RRN3: variants seen among roughly 807,000 people sequenced by gnomAD.
RRN3 encodes the protein RNA polymerase I transcription factor RRN3, also known as RNA polymerase I-specific transcription initiation factor RRN3.
In RRN3, 38 loss-of-function variants were observed where a neutral mutation model predicts 82.3. The observed-to-expected ratio is 0.46, with a 90% CI of 0.36 to 0.61. The LOEUF (loss-of-function observed/expected upper bound fraction) is 0.61, where lower values mean the gene tolerates loss of function less well. Ranked by LOEUF, RRN3 falls within the 20% of genes least tolerant of loss-of-function variation. The pLI is 0.00. For missense variants in RRN3, 726 were observed against 793.1 expected (o/e 0.92, Z 1.02); for synonymous variants, 284 against 284.3 (o/e 1.00, Z 0.01).
chr16:15,087,645 G>A (rs1181100791), intron 3 of RRN3, among the ~76,000 whole-genome samples: 1 of 152,062 alleles, frequency 6.6e-6, no homozygotes, highest in African/African-American at 2.4e-5. Flanking sequence ...TTTGTACTAT[G>A]GTAATTTCAT....
chr16:15,093,098 G>C (rs1466932184), intron 1 of RRN3, among the ~76,000 whole-genome samples: 2 of 151,924 alleles, frequency 1.3e-5, no homozygotes, highest in African/African-American at 4.8e-5. Flanking sequence ...TCCATCTCCC[G>C]GGTTCAAGCA....
At chr16:15,083,864 G>A (rs2045804531) in intron 7 of RRN3, 1 of 314,132 alleles carries the variant, frequency 3.2e-6, no homozygotes. Flanking sequence ...TTACAGGCAT[G>A]CGCCACCATG....
chr16:15,093,907 G>C, intron 1 of RRN3: 1 of 536,802 alleles, frequency 1.9e-6, no homozygotes, highest in Non-Finnish European at 3.2e-6. Context: ...ATCACGAAGA[G>C]ACACAGTCGG....
At chr16:15,071,941 C>G (rs1300092343) in intron 12 of RRN3, among the ~76,000 whole-genome samples, 1 of 152,160 alleles carries the variant, frequency 6.6e-6, no homozygotes, top group African/African-American at 2.4e-5. Context: ...CACATGGGCA[C>G]TCCTGTGAGT....
intron 6 of RRN3, 76 bp from the exon 7 acceptor site, chr16:15,084,781 G>A: frequency 1.9e-6 from 2 of 1,041,336 alleles, no homozygotes; most frequent in East Asian, 2.5e-5. Flanking sequence ...AAAAATAAAT[G>A]CTGGCTGGGC....
chr16:15,093,678 G>A (rs2046232472), intron 1 of RRN3, among the ~76,000 whole-genome samples: 1 of 152,164 alleles, frequency 6.6e-6, no homozygotes, highest in South Asian at 2.1e-4. Flanking sequence ...GAGTGCTACG[G>A]GGGTTAGGGA....
Position 15,071,147 on chromosome 16 carries a change from C to T in RRN3, c.1233G>A (p.Leu411=), listed in dbSNP as rs1166887924. ...TAAGAGGAATAAATTTAGCTCTTGCCAAAAAGCTTCCAATATAATTTCCAG... is the reference window on the plus strand; with the variant it reads ...TAAGAGGAATAAATTTAGCTCTTGCTAAAAAGCTTCCAATATAATTTCCAG... ...QAAGNYIGSF[L]ARAKFIPLIT... The change falls in exon 13 of 18, where the codon TTG becomes TTA. Residue 411 remains leucine (L), a synonymous_variant. Transcript: ENST00000198767. 4 of 1,608,946 alleles carry T rather than the reference C, an allele frequency of 2.5e-6. No homozygotes were observed. In the African/African-American group the frequency reaches 5.4e-5, roughly 22 times the overall value.
rs202243863 is a variant in RRN3 at position 15,083,560 on chromosome 16, T to C, written c.619A>G (p.Ile207Val). The change falls in exon 8 of 18, where the codon ATA (isoleucine) becomes GTA (valine). Residue 207 changes from isoleucine (I) to valine (V), a missense_variant. Coordinates refer to ENST00000198767, the MANE Select transcript of RRN3 (RefSeq NM_018427.5). ...ACAAATGGAAATTTTTCCACCAGTA[T>C]TGGCATGAGAAACCACGGTGTCCTA... ...VPSTPWFLMP[I>V]LVEKFPFVRK... The C allele has an allele frequency of 3.0e-5, 48 of 1,609,340 alleles. No homozygotes were observed. Among genetic ancestry groups the C allele is most frequent in the Admixed American group, 1.5e-4 (9 of 59,390 alleles).
rs765705321 is a variant in RRN3, at chr16:15,061,806, G to A, written c.1894C>T (p.Arg632Ter). The A allele has an allele frequency of 5.6e-6, 9 of 1,614,050 alleles. No homozygotes were observed. Among genetic ancestry groups the A allele is most frequent in the Admixed American group, 3.3e-5 (2 of 60,006 alleles). Residue 632 changes from arginine (R) to a stop codon, truncating the protein, a stop_gained, in exon 18 of 18, where the codon CGA becomes TGA. Coordinates refer to ENST00000198767, the MANE Select transcript of RRN3 (RefSeq NM_018427.5). LOFTEE classifies it high-confidence loss of function. ...GAGCCCACACTACTTGAAGGACTTCGGAAATGCGTGTCAAAGGAGCTTGGT... is the reference window on the plus strand; with the variant it reads ...GAGCCCACACTACTTGAAGGACTTCAGAAATGCGTGTCAAAGGAGCTTGGT... ...ITPSSFDTHF[R>*]SPSSSVGSPP...
At position 15,086,146 on chromosome 16, in the gene RRN3, G is replaced by A. The variant is rs1441384664; in HGVS notation, c.455C>T (p.Ala152Val). ...TGACTTACGAGGCACAAAATGGGAA[G>A]CAATCATGCTGAGACACGGTCTGAG... ...VFLRPCLSMIASHFVPPRVII... is the reference protein window; with the variant it reads ...VFLRPCLSMIVSHFVPPRVII... Residue 152 changes from alanine (A) to valine (V), a missense_variant, in exon 5 of 18, where the codon GCT becomes GTT. Around this residue, in one of 4 missense-constraint regions of RRN3, gnomAD observed 344 missense variants for 394.5 expected, o/e 0.87. Transcript: ENST00000198767. 4 of 1,600,288 alleles carry A rather than the reference G, an allele frequency of 2.5e-6. No individual in the cohort carries two copies. Among genetic ancestry groups the A allele is most frequent in the Admixed American group, 3.6e-5 (2 of 56,062 alleles).
At chr16:15,066,929 G>A (rs1000569367) in intron 15 of RRN3, among the ~76,000 whole-genome samples, 4 of 151,796 alleles carry the variant, frequency 2.6e-5, no homozygotes, top group Non-Finnish European at 4.4e-5. Context: ...GAGAGCCCCT[G>A]GACCAGATGG....
At chr16:15,064,769 T>C (rs542164547) in intron 16 of RRN3, among the ~76,000 whole-genome samples, 42 of 152,328 alleles carry the variant, frequency 2.8e-4, no homozygotes, top group African/African-American at 1.0e-3. Flanking sequence ...TGGTGAAATA[T>C]ACGCAGGGAG....
intron 3 of RRN3, among the ~76,000 whole-genome samples, chr16:15,087,778 T>C (rs1045518704): frequency 2.0e-5 from 3 of 152,170 alleles, no homozygotes; most frequent in Admixed American, 2.0e-4. Context: ...CTAAAAAGAC[T>C]GCAACAAAAC....
intron 16 of RRN3, among the ~76,000 whole-genome samples, chr16:15,063,517 G>C (rs540993642): frequency 6.6e-6 from 1 of 152,038 alleles, no homozygotes; most frequent in African/African-American, 2.4e-5. Flanking sequence ...GACCATCCTG[G>C]CTAACACGGT....
chr16:15,086,096 A>G lies in RRN3; in HGVS notation c.472+33T>C, dbSNP rs776003239. The G allele has an allele frequency of 9.4e-6, 15 of 1,590,580 alleles. No individual in the cohort carries two copies. In the Admixed American group the frequency reaches 1.7e-4, roughly 18 times the overall value. ...GGTAGTATTTTAATAAAGAAGTATT[A>G]AAAAGAAAATAAAATTCCAAGCAAT... On this transcript the variant is annotated intron_variant, in intron 5 of 17. Transcript: ENST00000198767.
At chr16:15,072,458 A>G (rs1567197512) in intron 12 of RRN3, among the ~76,000 whole-genome samples, 1 of 152,090 alleles carries the variant, frequency 6.6e-6, no homozygotes, top group Admixed American at 6.6e-5. Context: ...TTTTCGGAGC[A>G]CCTAGCTGGG....
chr16:15,066,061 T>C (rs911783422), intron 15 of RRN3, among the ~76,000 whole-genome samples: 5 of 152,242 alleles, frequency 3.3e-5, no homozygotes, highest in African/African-American at 1.2e-4. Context: ...AGATGAGGAC[T>C]CAGATCTCAC....
At chr16:15,070,295 A>G (rs2045167666) in intron 13 of RRN3, 41 bp from the exon 14 acceptor site, 5 of 1,606,308 alleles carry the variant, frequency 3.1e-6, no homozygotes, top group Non-Finnish European at 4.2e-6. Context: ...ACACATCATA[A>G]AAAAACCAGA....
intron 15 of RRN3, among the ~76,000 whole-genome samples, chr16:15,065,825 TGA>T: frequency 6.6e-6 from 1 of 152,272 alleles, no homozygotes; most frequent in South Asian, 2.1e-4. Context: ...AGAGACTTGC[TGA>T]AGAAGCACTG....
Sources: allele counts gnomAD v4.1 joint callset (sites outside exome capture counted in the v4.1 genomes callset), GRCh38; gene constraint gnomAD v4.1.1; regional missense constraint gnomAD v4.1.1; transcripts MANE v1.5; gene names NCBI Gene and HGNC (gene_info 2026-07-23, HGNC 2026-07-21).